The following PRELID2 variants were observed in gnomAD, a reference collection of about 807,000 sequenced individuals.
The protein encoded by PRELID2 is PRELI domain containing 2, also known as PRELI domain-containing protein 2.
A neutral mutation model predicts 28.4 loss-of-function variants in PRELID2; 25 were observed. The ratio of observed to expected loss-of-function variants is 0.88; its 90% CI spans 0.64 to 1.23. The LOEUF (loss-of-function observed/expected upper bound fraction) is 1.23. PRELID2 is among the 50% of genes most tolerant of loss of function. PRELID2 has a pLI of 0.00. For missense variants in PRELID2, 201 were observed against 214.4 expected, an observed-to-expected ratio of 0.94 and a Z score of 0.39; for synonymous variants, 76 against 71.6, an observed-to-expected ratio of 1.06 and a Z score of -0.31.
chr5:145,501,006 A>G (rs555514950), intron 1 of PRELID2, among the ~76,000 whole-genome samples: 21 of 152,240 alleles, frequency 1.4e-4, no homozygotes, highest in Non-Finnish European at 2.6e-4. Flanking sequence ...CTGCAGTGCA[A>G]AGTGCTTTCC....
chr5:145,492,300 T>C (rs1580957198), intron 1 of PRELID2, among the ~76,000 whole-genome samples: 1 of 152,202 alleles, frequency 6.6e-6, no homozygotes, highest in Non-Finnish European at 1.5e-5. Flanking sequence ...TTTTCATATA[T>C]ACCTGTTGGC....
At chr5:145,780,391 A>G (rs929962502) in intron 5 of PRELID2, among the ~76,000 whole-genome samples, 19 of 152,194 alleles carry the variant, frequency 1.2e-4, no homozygotes, top group Non-Finnish European at 2.2e-4. Flanking sequence ...ACAATACTCT[A>G]CAAAGTAGGT....
intron 1 of PRELID2, among the ~76,000 whole-genome samples, chr5:145,672,358 T>C (rs1287037358): frequency 1.3e-5 from 2 of 152,096 alleles, no homozygotes; most frequent in Non-Finnish European, 2.9e-5. Context: ...TACTTCACCC[T>C]TCCTCCATCT....
chr5:145,504,590 G>T (rs1006725041), intron 1 of PRELID2, among the ~76,000 whole-genome samples: 1 of 152,136 alleles, frequency 6.6e-6, no homozygotes, highest in African/African-American at 2.4e-5. Flanking sequence ...TCATCTATCT[G>T]GTTAGGATAA....
chr5:145,280,828 C>T, the PRELID2 span, among the ~76,000 whole-genome samples: 1 of 148,476 alleles, frequency 6.7e-6, no homozygotes, highest in African/African-American at 2.5e-5. Context: ...CAGATTGCTA[C>T]ATTTTTCTGT....
At chr5:145,652,225 C>G (rs942726257) in intron 1 of PRELID2, among the ~76,000 whole-genome samples, 4 of 152,156 alleles carry the variant, frequency 2.6e-5, no homozygotes, top group Non-Finnish European at 4.4e-5. Context: ...AAGAAACAAA[C>G]AAAGCCTCCA....
At chr5:145,737,686 T>G (rs1756535969) in intron 1 of PRELID2, among the ~76,000 whole-genome samples, 1 of 152,176 alleles carries the variant, frequency 6.6e-6, no homozygotes, top group Non-Finnish European at 1.5e-5. Context: ...AGATAACCTC[T>G]GTACTCCAGC....
the PRELID2 span, among the ~76,000 whole-genome samples, chr5:145,246,495 C>G: frequency 6.8e-4 from 103 of 152,182 alleles, 1 homozygote; most frequent in Non-Finnish European, 6.0e-4. Context: ...AATAGGTATT[C>G]TAGTTTAGAT....
intron 1 of PRELID2, among the ~76,000 whole-genome samples, chr5:145,576,015 A>C (rs1753057612): frequency 6.6e-6 from 1 of 152,150 alleles, no homozygotes; most frequent in African/African-American, 2.4e-5. Flanking sequence ...CCTTCTAGAC[A>C]TCACTTCTTC....
chr5:145,636,955 A>T (rs1322734831), intron 1 of PRELID2, among the ~76,000 whole-genome samples: 1 of 152,160 alleles, frequency 6.6e-6, no homozygotes, highest in African/African-American at 2.4e-5. Context: ...TCTTTTTATC[A>T]AAGCTATTCT....
At chr5:145,618,542 G>A (rs952526847) in intron 1 of PRELID2, among the ~76,000 whole-genome samples, 5 of 152,154 alleles carry the variant, frequency 3.3e-5, no homozygotes, top group Admixed American at 3.3e-4. Flanking sequence ...ACCATCTATG[G>A]GTTTCTCAGC....
At chr5:145,727,403 C>T (rs1756201090) in intron 1 of PRELID2, among the ~76,000 whole-genome samples, 1 of 152,128 alleles carries the variant, frequency 6.6e-6, no homozygotes, top group South Asian at 2.1e-4. Flanking sequence ...GTTTTAGACC[C>T]TGGACCCTGG....
chr5:145,246,907 C>T, the PRELID2 span, among the ~76,000 whole-genome samples: 1 of 152,084 alleles, frequency 6.6e-6, no homozygotes, highest in Non-Finnish European at 1.5e-5. Flanking sequence ...CGGAAAAGAC[C>T]CTCTTCTTTC....
chr5:145,393,319 G>A, the PRELID2 span, among the ~76,000 whole-genome samples: 4,836 of 151,352 alleles, frequency 0.032, 102 homozygotes, highest in Non-Finnish European at 0.044. Flanking sequence ...AACTTGGCGG[G>A]GTCCACTCTG....
At chr5:145,275,284 G>A in the PRELID2 span, among the ~76,000 whole-genome samples, 2 of 152,032 alleles carry the variant, frequency 1.3e-5, no homozygotes, top group Admixed American at 1.3e-4. Flanking sequence ...CAGGAGATGG[G>A]GGGAAGACAG....
the PRELID2 span, among the ~76,000 whole-genome samples, chr5:145,375,409 G>T: frequency 6.6e-6 from 1 of 152,110 alleles, no homozygotes; most frequent in Admixed American, 6.6e-5. Flanking sequence ...AATCATTCCT[G>T]TATAGGGTGT....
At chr5:145,680,768 C>G (rs1339476631) in intron 1 of PRELID2, among the ~76,000 whole-genome samples, 1 of 151,932 alleles carries the variant, frequency 6.6e-6, no homozygotes, top group Non-Finnish European at 1.5e-5. Flanking sequence ...AGTGCTTCTG[C>G]TACCTGCAAC....
chr5:145,777,980 G>A (rs547675760), intron 5 of PRELID2, among the ~76,000 whole-genome samples: 1 of 152,182 alleles, frequency 6.6e-6, no homozygotes, highest in Non-Finnish European at 1.5e-5. Context: ...TTCCTGGACG[G>A]AAGGGAGCAG....
At chr5:145,304,390 C>T in the PRELID2 span, among the ~76,000 whole-genome samples, 2 of 152,100 alleles carry the variant, frequency 1.3e-5, no homozygotes, top group Non-Finnish European at 2.9e-5. Flanking sequence ...ATCTCACTTT[C>T]GAGAGACATG....
Sources: gnomAD v4.1 joint callset for allele counts (sites outside exome capture counted in the v4.1 genomes callset) on GRCh38, gnomAD v4.1.1 for gene constraint, MANE v1.5 for transcripts, NCBI Gene and HGNC (gene_info 2026-07-23, HGNC 2026-07-21) for gene names.